Variants in GALNT13 observed in about 807,000 individuals in gnomAD.
GALNT13 encodes UDP-GalNAc:polypeptide N-acetylgalactosaminyltransferase 13.
Under a neutral mutation model 64.2 loss-of-function variants are expected in GALNT13, and 28 were observed. The observed-to-expected ratio is 0.44, with a 90% confidence interval of 0.32 to 0.60. The LOEUF (loss-of-function observed/expected upper bound fraction) is 0.60. Among genes scored for constraint, GALNT13 ranks in the 20% least tolerant of loss-of-function variants. The pLI, the probability that GALNT13 is intolerant of heterozygous loss-of-function variation, is 0.05. For synonymous variants in GALNT13, 214 were observed against 224.6 expected, an observed-to-expected ratio of 0.95 and a Z score of 0.42; for missense variants, 577 against 669.8, an observed-to-expected ratio of 0.86 and a Z score of 1.53.
intron 7 of GALNT13, among the ~76,000 whole-genome samples, chr2:154,251,100 TG>T (rs1336828306): frequency 6.6e-6 from 1 of 152,236 alleles, no homozygotes; most frequent in South Asian, 2.1e-4. Context: ...GGGGATAATT[TG>T]GGAGACTTTC....
chr2:153,501,739 G>A, the GALNT13 span, among the ~76,000 whole-genome samples: 1 of 152,084 alleles, frequency 6.6e-6, no homozygotes, highest in Non-Finnish European at 1.5e-5. Flanking sequence ...TAATTCAGTC[G>A]ACTGAGAAGA....
intron 3 of GALNT13, among the ~76,000 whole-genome samples, chr2:154,081,706 A>G (rs1410248123): frequency 2.0e-5 from 3 of 151,776 alleles, no homozygotes; most frequent in Non-Finnish European, 1.5e-5. Context: ...TATGAATGCT[A>G]CAAGAGATCC....
chr2:154,074,713 G>A (rs1279837641), intron 3 of GALNT13, among the ~76,000 whole-genome samples: 3 of 151,908 alleles, frequency 2.0e-5, no homozygotes, highest in Non-Finnish European at 4.4e-5. Context: ...ATTGAATACA[G>A]CAGCACATCT....
intron 3 of GALNT13, among the ~76,000 whole-genome samples, chr2:153,992,591 G>A (rs1695233413): frequency 6.6e-6 from 1 of 152,132 alleles, no homozygotes; most frequent in South Asian, 2.1e-4. Context: ...TTGCTTCTGG[G>A]CATCTAGATT....
the GALNT13 span, among the ~76,000 whole-genome samples, chr2:153,493,483 G>A: frequency 1.3e-4 from 20 of 151,770 alleles, no homozygotes; most frequent in Middle Eastern, 3.2e-3. Context: ...AAATAATTTC[G>A]TTTTAAATCA....
chr2:154,412,729 G>A (rs982780088), intron 11 of GALNT13, among the ~76,000 whole-genome samples: 3 of 151,702 alleles, frequency 2.0e-5, no homozygotes, highest in Non-Finnish European at 3.0e-5. Context: ...TGGAGTTAAT[G>A]AAAGTTTTTG....
chr2:153,560,564 G>C, the GALNT13 span, among the ~76,000 whole-genome samples: 1 of 151,942 alleles, frequency 6.6e-6, no homozygotes, highest in Non-Finnish European at 1.5e-5. Context: ...TTATCCAGTT[G>C]TTCTGATATA....
At chr2:153,922,240 C>G (rs1362624238) in intron 2 of GALNT13, among the ~76,000 whole-genome samples, 6 of 152,110 alleles carry the variant, frequency 3.9e-5, no homozygotes, top group Admixed American at 3.9e-4. Flanking sequence ...TCAGTTTGAA[C>G]ACAGTTTCAT....
At position 154,245,793 on chromosome 2, in the gene GALNT13, G is replaced by A; in HGVS notation, c.687-19G>A. 1 of 1,523,038 alleles carries A rather than the reference G, an allele frequency of 6.6e-7. No homozygotes were observed. The highest frequency in any genetic ancestry group is 9.0e-7 in the Non-Finnish European group (1 of 1,106,104). The allele number at this position is 1,523,038 out of a possible 1,614,324, so 94.3% of individuals were successfully genotyped here. On this transcript the variant is annotated intron_variant, in intron 6 of 12. Coordinates refer to ENST00000392825, the MANE Select transcript of GALNT13 (RefSeq NM_052917.4). ...TTTAATTATCATGTGTCTATAAATT[G>A]GTTTTAATTTCTCTGCAGGAAAACG...
intron 1 of GALNT13, among the ~76,000 whole-genome samples, chr2:153,889,227 C>G (rs1374665731): frequency 5.9e-5 from 9 of 151,928 alleles, no homozygotes; most frequent in African/African-American, 2.2e-4. Context: ...CAGATTCATT[C>G]TTGACTTTCA....
chr2:153,497,005 AAAAAAAAAG>A, the GALNT13 span, among the ~76,000 whole-genome samples: 5 of 151,648 alleles, frequency 3.3e-5, no homozygotes, highest in African/African-American at 9.7e-5. Context: ...AAAAAAAAAA[AAAAAAAAAG>A]AAAAAAGAAA....
chr2:153,762,003 GTCAAC>G, the GALNT13 span: 1 of 166,380 alleles, frequency 6.0e-6, no homozygotes, highest in African/African-American at 2.4e-5. Flanking sequence ...TCATGTCTTT[GTCAAC>G]ATGAACTTCT....
chr2:153,518,150 TG>T, the GALNT13 span, among the ~76,000 whole-genome samples: 3 of 152,158 alleles, frequency 2.0e-5, no homozygotes, highest in African/African-American at 7.2e-5. Context: ...GCCCTTCCTT[TG>T]GTAGGTTCTT....
intron 8 of GALNT13, among the ~76,000 whole-genome samples, chr2:154,294,919 T>C (rs4664730): frequency 0.018 from 2,801 of 152,172 alleles, 33 homozygotes; most frequent in Middle Eastern, 0.051. Context: ...TACTTCAGGG[T>C]AGAAAGGTGG....
At chr2:153,857,536 T>C in the GALNT13 span, among the ~76,000 whole-genome samples, 1 of 152,190 alleles carries the variant, frequency 6.6e-6, no homozygotes, top group South Asian at 2.1e-4. Flanking sequence ...TAAAAAATCA[T>C]TGATTTCATT....
chr2:154,289,078 C>T (rs1275007544), intron 8 of GALNT13, among the ~76,000 whole-genome samples: 1 of 152,220 alleles, frequency 6.6e-6, no homozygotes, highest in African/African-American at 2.4e-5. Flanking sequence ...CCTCTGAAAC[C>T]TAGGCAGAGG....
chr2:153,761,440 A>G, the GALNT13 span: 1 of 152,440 alleles, frequency 6.6e-6, no homozygotes, highest in Admixed American at 6.5e-5. Context: ...AGTGTTACTC[A>G]CTGGTCCGTT....
chr2:153,385,961 T>C, the GALNT13 span, among the ~76,000 whole-genome samples: 3 of 152,140 alleles, frequency 2.0e-5, no homozygotes, highest in South Asian at 6.2e-4. Flanking sequence ...AAATCCACTT[T>C]TCTGGATTTT....
chr2:153,713,601 G>A, the GALNT13 span, among the ~76,000 whole-genome samples: 1 of 152,104 alleles, frequency 6.6e-6, no homozygotes, highest in Non-Finnish European at 1.5e-5. Context: ...TCCTGCCTCA[G>A]CCTCCTGAGT....
Sources: allele counts gnomAD v4.1 joint callset (sites outside exome capture counted in the v4.1 genomes callset), GRCh38; gene constraint gnomAD v4.1.1; transcripts MANE v1.5; gene names NCBI Gene and HGNC (gene_info 2026-07-23, HGNC 2026-07-21).